DCC: variants seen among roughly 807,000 people sequenced by gnomAD.
The protein encoded by DCC is netrin receptor DCC.
Under a neutral mutation model 172.5 loss-of-function variants are expected in DCC, and 58 were observed. The observed-to-expected ratio is 0.34, with a 90% CI of 0.27 to 0.42. The LOEUF (loss-of-function observed/expected upper bound fraction) is 0.42, where lower values mean the gene tolerates loss of function less well. Ranked by LOEUF, DCC falls within the 10% of genes least tolerant of loss-of-function variation. DCC has a pLI of 1.00. For synonymous variants in DCC, 709 were observed against 644.5 expected (o/e 1.10, Z -1.52); for missense variants, 1,740 against 1,791.0 (o/e 0.97, Z 0.51).
At chr18:53,076,626 C>G (rs1190181769) in intron 7 of DCC, among the ~76,000 whole-genome samples, 1 of 146,770 alleles carries the variant, frequency 6.8e-6, no homozygotes, top group Non-Finnish European at 1.5e-5. Context: ...CCATGTTGGT[C>G]TCAAATACTT....
chr18:53,526,684 T>G lies in DCC; in HGVS notation c.4179T>G (p.Pro1393=), dbSNP rs1231598922. 6.2e-7 allele frequency: 1 copy of G among 1,613,412 alleles called. No homozygotes were observed. Among genetic ancestry groups the G allele is most frequent in the African/African-American group, 1.3e-5 (1 of 74,862 alleles). The part of the protein sequence containing the change: ...SLGLAGKARS[P]LLPVSVPTAP... ...GGTTGGCTGGAAAAGCAAGATCCCC[T>G]TTGCTTCCTGTGTCTGTGCCAACAG... The change falls in exon 28 of 29, where the codon CCT becomes CCG. Residue 1393 remains proline, a synonymous_variant. Coordinates refer to ENST00000442544, the MANE Select transcript of DCC (RefSeq NM_005215.4).
intron 1 of DCC, among the ~76,000 whole-genome samples, chr18:52,485,846 T>C (rs890644454): frequency 6.6e-6 from 1 of 152,140 alleles, no homozygotes; most frequent in Admixed American, 6.6e-5. Context: ...ATCTGTGAAA[T>C]TAATCAAAAA....
intron 12 of DCC, among the ~76,000 whole-genome samples, chr18:53,241,860 G>A (rs571086846): frequency 1.1e-4 from 17 of 152,210 alleles, no homozygotes; most frequent in African/African-American, 3.4e-4. Flanking sequence ...ATCACACATG[G>A]AGTTTTAGCT....
At chr18:52,781,870 G>GT (rs547253621) in intron 2 of DCC, among the ~76,000 whole-genome samples, 10 of 151,670 alleles carry the variant, frequency 6.6e-5, no homozygotes, top group African/African-American at 1.2e-4. Flanking sequence ...ATATTACTTT[G>GT]TTTTTTTTAT....
chr18:52,920,197 G>A (rs955573792), intron 3 of DCC, among the ~76,000 whole-genome samples: 1 of 151,850 alleles, frequency 6.6e-6, no homozygotes, highest in Non-Finnish European at 1.5e-5. Context: ...AATCATGAAA[G>A]GAGAAGTTGA....
At chr18:52,981,758 A>G (rs2041214084) in intron 5 of DCC, among the ~76,000 whole-genome samples, 1 of 152,150 alleles carries the variant, frequency 6.6e-6, no homozygotes, top group African/African-American at 2.4e-5. Flanking sequence ...GTAAATTTAC[A>G]TTTTTCTTGG....
At chr18:52,821,874 C>G (rs1598838503) in intron 2 of DCC, among the ~76,000 whole-genome samples, 1 of 152,172 alleles carries the variant, frequency 6.6e-6, no homozygotes, top group East Asian at 1.9e-4. Flanking sequence ...AAATCACTTA[C>G]AGAATCATTT....
At chr18:53,183,769 T>C (rs2144493274) in intron 9 of DCC, among the ~76,000 whole-genome samples, 1 of 152,144 alleles carries the variant, frequency 6.6e-6, no homozygotes, top group South Asian at 2.1e-4. Flanking sequence ...CTTCATGAGA[T>C]TTTAAAAATT....
At chr18:53,257,077 T>G (rs1170028247) in intron 12 of DCC, among the ~76,000 whole-genome samples, 1 of 152,266 alleles carries the variant, frequency 6.6e-6, no homozygotes, top group African/African-American at 2.4e-5. Flanking sequence ...CCTGAGACTT[T>G]GCTGAAGTTG....
chr18:53,357,639 G>C (rs1292492675), intron 15 of DCC, among the ~76,000 whole-genome samples: 2 of 152,164 alleles, frequency 1.3e-5, no homozygotes, highest in Non-Finnish European at 2.9e-5. Flanking sequence ...GAATTATGTA[G>C]AATGATGTTT....
intron 5 of DCC, among the ~76,000 whole-genome samples, chr18:52,929,006 G>C (rs945696290): frequency 6.6e-6 from 1 of 152,018 alleles, no homozygotes; most frequent in African/African-American, 2.4e-5. Context: ...AAACTTCCAG[G>C]CTCATTAAGT....
chr18:52,417,414 G>T (rs1987077736), intron 1 of DCC, among the ~76,000 whole-genome samples: 1 of 151,982 alleles, frequency 6.6e-6, no homozygotes, highest in South Asian at 2.1e-4. Flanking sequence ...TCTGAATGTT[G>T]GCCTGCCTTG....
chr18:52,582,388 G>A (rs2033569281), intron 1 of DCC, among the ~76,000 whole-genome samples: 1 of 152,164 alleles, frequency 6.6e-6, no homozygotes, highest in South Asian at 2.1e-4. Flanking sequence ...GTTGAATTAT[G>A]AGGCTTAATG....
At chr18:53,261,282 CT>C (rs2056596192) in intron 12 of DCC, among the ~76,000 whole-genome samples, 1 of 152,186 alleles carries the variant, frequency 6.6e-6, no homozygotes, top group Admixed American at 6.5e-5. Context: ...AATCACCCAT[CT>C]CCTGCATTGC....
intron 5 of DCC, among the ~76,000 whole-genome samples, chr18:52,955,226 ATGCTG>A (rs1382888271): frequency 1.3e-5 from 2 of 152,120 alleles, no homozygotes. Flanking sequence ...CCCTTCCTGC[ATGCTG>A]TGCCCTGGCA....
intron 1 of DCC, among the ~76,000 whole-genome samples, chr18:52,461,617 C>G (rs533886492): frequency 3.3e-5 from 5 of 152,290 alleles, no homozygotes; most frequent in Non-Finnish European, 7.4e-5. Context: ...TACAACCTCA[C>G]TAGGCCATAG....
At chr18:53,264,281 G>T (rs933426392) in intron 12 of DCC, among the ~76,000 whole-genome samples, 2 of 151,950 alleles carry the variant, frequency 1.3e-5, no homozygotes, top group East Asian at 3.9e-4. Context: ...GAGGTCAGGA[G>T]TTCAAGACCA....
intron 1 of DCC, among the ~76,000 whole-genome samples, chr18:52,370,341 T>C (rs1017741214): frequency 6.6e-6 from 1 of 152,112 alleles, no homozygotes; most frequent in Non-Finnish European, 1.5e-5. Flanking sequence ...TGTCCATCAA[T>C]AATAGACTGG....
intron 12 of DCC, among the ~76,000 whole-genome samples, chr18:53,266,758 A>G (rs2056680181): frequency 6.6e-6 from 1 of 151,808 alleles, no homozygotes; most frequent in Non-Finnish European, 1.5e-5. Flanking sequence ...TGAACATTTC[A>G]TATAAATGAA....
Sources: gnomAD v4.1 joint callset for allele counts (sites outside exome capture counted in the v4.1 genomes callset) on GRCh38, gnomAD v4.1.1 for gene constraint, MANE v1.5 for transcripts, NCBI Gene and HGNC (gene_info 2026-07-23, HGNC 2026-07-21) for gene names.